The following THEMIS variants were observed in gnomAD, a reference collection of about 807,000 sequenced individuals.
THEMIS encodes the protein thymocyte selection associated.
THEMIS carries 37 observed loss-of-function variants against 52.6 expected under a neutral mutation model. That is an observed-to-expected ratio of 0.70 (90% confidence interval 0.54 to 0.93). The LOEUF (loss-of-function observed/expected upper bound fraction) is 0.93. Ranked by LOEUF, THEMIS falls within the 40% of genes least tolerant of loss-of-function variation. The probability of loss-of-function intolerance (pLI) is 0.00; values close to 1 mark genes in which losing one functional copy is unlikely to be tolerated. For synonymous variants in THEMIS, 292 were observed against 272.7 expected (o/e 1.07, Z -0.70); for missense variants, 808 against 763.1 (o/e 1.06, Z -0.69).
chr6:127,718,442 C>A (rs988163829), intron 5 of THEMIS, among the ~76,000 whole-genome samples: 6 of 151,856 alleles, frequency 4.0e-5, no homozygotes, highest in Non-Finnish European at 7.4e-5. Flanking sequence ...CGCTGTACTA[C>A]TCACTCAAGG....
intron 1 of THEMIS, among the ~76,000 whole-genome samples, chr6:127,872,704 A>C (rs1780194729): frequency 6.6e-6 from 1 of 152,166 alleles, no homozygotes; most frequent in Admixed American, 6.5e-5. Context: ...CAAAACCTGA[A>C]TGTTTTCTCC....
chr6:127,918,337 G>A (rs1206786148), intron 1 of THEMIS: 5 of 152,034 alleles, frequency 3.3e-5, no homozygotes, highest in African/African-American at 1.2e-4. Flanking sequence ...ACCATTTAAA[G>A]CAAGAAAACC....
chr6:127,811,719 T>A (rs1221651856), intron 4 of THEMIS, among the ~76,000 whole-genome samples: 1 of 152,222 alleles, frequency 6.6e-6, no homozygotes, highest in East Asian at 1.9e-4. Flanking sequence ...TTCTCACTAT[T>A]CAGTTCAGTA....
intron 2 of THEMIS, among the ~76,000 whole-genome samples, chr6:127,835,270 G>A (rs1049709819): frequency 6.6e-6 from 1 of 152,068 alleles, no homozygotes; most frequent in African/African-American, 2.4e-5. Context: ...GGTGATTTTG[G>A]GCAGTAGAAC....
At chr6:127,903,966 C>T (rs1259396985), upstream of THEMIS, among the ~76,000 whole-genome samples, 1 of 152,028 alleles carries the variant, frequency 6.6e-6, no homozygotes, top group Non-Finnish European at 1.5e-5. Context: ...GGCCAAGATC[C>T]TGTAAAGCAG....
At chr6:127,736,476 T>C (rs558053986) in intron 4 of THEMIS, among the ~76,000 whole-genome samples, 1 of 152,244 alleles carries the variant, frequency 6.6e-6, no homozygotes, top group East Asian at 1.9e-4. Flanking sequence ...TTTATTGATA[T>C]GGTTTTCTAA....
chr6:127,881,755 A>G (rs1780491475), intron 1 of THEMIS, among the ~76,000 whole-genome samples: 1 of 151,840 alleles, frequency 6.6e-6, no homozygotes, highest in Non-Finnish European at 1.5e-5. Context: ...TTTCTACAAT[A>G]AGGCCTGCTT....
At chr6:127,854,300 C>G (rs1779526669) in intron 2 of THEMIS, among the ~76,000 whole-genome samples, 2 of 151,844 alleles carry the variant, frequency 1.3e-5, no homozygotes, top group East Asian at 3.9e-4. Flanking sequence ...ACATAAATAG[C>G]ATAGTGAAAT....
At chr6:127,705,168 C>A (rs1388262280), downstream of THEMIS, among the ~76,000 whole-genome samples, 1 of 152,146 alleles carries the variant, frequency 6.6e-6, no homozygotes, top group Admixed American at 6.5e-5. Context: ...AAAATACCTG[C>A]AGAAGAGGAT....
rs1777566340 is a variant in THEMIS, at chr6:127,802,404, C to G, written c.1758+10479G>C. On this transcript the variant is annotated intron_variant, in intron 4 of 5. Coordinates refer to ENST00000368248, the MANE Select transcript of THEMIS (RefSeq NM_001010923.3). Reference sequence around the variant, plus strand: ...TAAATGTAGTAGGAATAATTGGATCCTGAGGTGGCAGGGGCCAAGTGGCAG... The same window carrying G: ...TAAATGTAGTAGGAATAATTGGATCGTGAGGTGGCAGGGGCCAAGTGGCAG... Among the ~76,000 whole-genome samples the G allele has an allele frequency of 3.9e-5, 6 of 152,264 alleles. No homozygotes were observed. The South Asian group carries it at 1.2e-3, about 32-fold the overall frequency.
exon 1 of THEMIS, chr6:127,918,473 G>C (rs1781571043): frequency 6.6e-6 from 1 of 152,192 alleles, no homozygotes; most frequent in African/African-American, 2.4e-5. Flanking sequence ...CTGCGTAAGA[G>C]CACTGGAGCA....
At chr6:127,762,983 C>A (rs1776073119) in intron 4 of THEMIS, among the ~76,000 whole-genome samples, 1 of 151,510 alleles carries the variant, frequency 6.6e-6, no homozygotes, top group Non-Finnish European at 1.5e-5. Context: ...AATTGGAGAC[C>A]CATACAACCA....
intron 4 of THEMIS, among the ~76,000 whole-genome samples, chr6:127,779,635 G>T (rs1181875988): frequency 6.6e-6 from 1 of 152,136 alleles, no homozygotes; most frequent in African/African-American, 2.4e-5. Context: ...GGTGTAGGAA[G>T]TGCTATAATA....
intron 1 of THEMIS, among the ~76,000 whole-genome samples, chr6:127,906,101 T>C (rs1301828448): frequency 6.6e-6 from 1 of 151,230 alleles, no homozygotes; most frequent in Non-Finnish European, 1.5e-5. Flanking sequence ...GCAGATAACA[T>C]TTAAACACAT....
At chr6:127,900,773 C>G in intron 1 of THEMIS, 69 bp downstream of exon 1, 1 of 1,338,130 alleles carries the variant, frequency 7.5e-7, no homozygotes, top group South Asian at 1.2e-5. Context: ...AAATTCCCCC[C>G]CTCCAATTTT....
At chr6:127,755,901 G>A (rs1246898920) in intron 4 of THEMIS, among the ~76,000 whole-genome samples, 1 of 151,574 alleles carries the variant, frequency 6.6e-6, no homozygotes, top group Non-Finnish European at 1.5e-5. Flanking sequence ...GTGGTGCATG[G>A]CTGTACTCCC....
intron 5 of THEMIS, among the ~76,000 whole-genome samples, chr6:127,713,072 T>C (rs537745426): frequency 2.3e-4 from 35 of 152,000 alleles, no homozygotes; most frequent in Admixed American, 2.3e-3. Flanking sequence ...CATCTACCTC[T>C]TTTAGGATGC....
rs773062044 is a variant in THEMIS at position 127,813,903 on chromosome 6, G to A, written c.738C>T (p.Pro246=). Residue 246 remains proline (P), a synonymous_variant, in exon 4 of 6, where the codon CCC becomes CCT. Transcript: ENST00000368248. ...TGTCTTTGACTTCGACATCTAGACT[G>A]GGGAGGATGCGGATTATATCTTTTC... is the stretch of plus-strand genomic sequence containing the variant. The part of the protein sequence containing the change: ...KFRKDIIRIL[P]SLDVEVKDIT... 8 of 1,584,258 alleles carry A rather than the reference G, an allele frequency of 5.0e-6. No individual in the cohort carries two copies. Among genetic ancestry groups the A allele is most frequent in the Non-Finnish European group, 6.0e-6 (7 of 1,169,442 alleles).
chr6:127,854,608 G>C (rs547745881), intron 2 of THEMIS, among the ~76,000 whole-genome samples: 6 of 151,924 alleles, frequency 3.9e-5, no homozygotes, highest in Non-Finnish European at 7.4e-5. Context: ...AGTAATATTA[G>C]ACAGGCAAGG....
Sources: allele counts gnomAD v4.1 joint callset (sites outside exome capture counted in the v4.1 genomes callset), GRCh38; gene constraint gnomAD v4.1.1; transcripts MANE v1.5; gene names NCBI Gene and HGNC (gene_info 2026-07-23, HGNC 2026-07-21).